The following KLHL29 variants were observed in gnomAD, a reference collection of about 807,000 sequenced individuals.
KLHL29 encodes the protein kelch like family member 29, also known as kelch-like protein 29.
Under a neutral mutation model 80.4 loss-of-function variants are expected in KLHL29, and 21 were observed. That is an observed-to-expected ratio of 0.26 (90% CI 0.19 to 0.38). The LOEUF (loss-of-function observed/expected upper bound fraction) is 0.38, where lower values mean the gene tolerates loss of function less well. Among genes scored for constraint, KLHL29 ranks in the 10% least tolerant of loss-of-function variants. The pLI is 1.00. For missense variants in KLHL29, 867 were observed against 1,223.9 expected (o/e 0.71, Z 4.35); for synonymous variants, 511 against 526.8 (o/e 0.97, Z 0.41).
chr2:23,403,756 T>C (rs898910442), intron 1 of KLHL29, among the ~76,000 whole-genome samples: 1 of 151,456 alleles, frequency 6.6e-6, no homozygotes, highest in Non-Finnish European at 1.5e-5. Context: ...TGTGTGTGTG[T>C]GTGTGTGTGC....
chr2:23,611,859 C>A, intron 3 of KLHL29, among the ~76,000 whole-genome samples: 1 of 139,788 alleles, frequency 7.2e-6, no homozygotes. Context: ...ATTAAGAATT[C>A]AATGTCGAGT....
chr2:23,388,419 T>C (rs1666237349), intron 1 of KLHL29, among the ~76,000 whole-genome samples: 1 of 152,234 alleles, frequency 6.6e-6, no homozygotes, highest in African/African-American at 2.4e-5. Flanking sequence ...AACCTCTAAA[T>C]CCAGCCTGTT....
At chr2:23,582,725 G>A (rs942167558) in intron 3 of KLHL29, among the ~76,000 whole-genome samples, 11 of 152,142 alleles carry the variant, frequency 7.2e-5, no homozygotes, top group African/African-American at 2.7e-4. Flanking sequence ...GGTAAGGTGG[G>A]CCACTTCCAA....
intron 3 of KLHL29, among the ~76,000 whole-genome samples, chr2:23,582,052 G>T (rs1013159049): frequency 1.3e-5 from 2 of 152,034 alleles, no homozygotes; most frequent in Non-Finnish European, 1.5e-5. Context: ...CAGATACCAC[G>T]CCAGGGTCTA....
intron 1 of KLHL29, among the ~76,000 whole-genome samples, chr2:23,426,462 C>T (rs1475640058): frequency 6.6e-6 from 1 of 152,240 alleles, no homozygotes; most frequent in Non-Finnish European, 1.5e-5. Flanking sequence ...AGCTTTTCCC[C>T]TCCAGTTCTG....
chr2:23,446,084 A>AT (rs1663667044), intron 1 of KLHL29, among the ~76,000 whole-genome samples: 1 of 151,844 alleles, frequency 6.6e-6, no homozygotes, highest in African/African-American at 2.4e-5. Flanking sequence ...TCAGTCTTGT[A>AT]TTTCAAATCG....
chr2:23,689,377 T>G (rs531823438), intron 6 of KLHL29: 1 of 152,546 alleles, frequency 6.6e-6, no homozygotes, highest in Non-Finnish European at 1.5e-5. Context: ...TGGCTCAGAC[T>G]GTGGGCAAGA....
chr2:23,405,294 T>G (rs1365766456), intron 1 of KLHL29, among the ~76,000 whole-genome samples: 2 of 152,168 alleles, frequency 1.3e-5, no homozygotes, highest in Admixed American at 6.5e-5. Flanking sequence ...TTACGGACCA[T>G]GAAACATGAT....
chr2:23,465,494 C>G (rs1664324199), intron 1 of KLHL29, among the ~76,000 whole-genome samples: 1 of 152,184 alleles, frequency 6.6e-6, no homozygotes, highest in South Asian at 2.1e-4. Flanking sequence ...GGCTTCCTCG[C>G]CTCATCGTGA....
At chr2:23,673,400 A>G (rs550867284) in intron 5 of KLHL29, among the ~76,000 whole-genome samples, 1 of 151,206 alleles carries the variant, frequency 6.6e-6, no homozygotes, top group African/African-American at 2.4e-5. Context: ...ACGTGCTTGC[A>G]TGTACATACA....
chr2:23,706,284 G>A (rs1003630147), intron 13 of KLHL29, among the ~76,000 whole-genome samples, 197 bp from the exon 14 acceptor site: 2 of 152,182 alleles, frequency 1.3e-5, no homozygotes, highest in African/African-American at 2.4e-5. Flanking sequence ...GGCATAGCAC[G>A]GCTTCCTGAC....
intron 3 of KLHL29, among the ~76,000 whole-genome samples, chr2:23,603,527 G>A (rs1353944362): frequency 1.3e-5 from 2 of 152,180 alleles, no homozygotes; most frequent in African/African-American, 4.8e-5. Context: ...TTCCAGGTGG[G>A]GTCTGAGGCC....
Position 23,583,308 on chromosome 2 carries a change from G to A in KLHL29, c.285+20827G>A, listed in dbSNP as rs542652156. On this transcript the variant is annotated intron_variant, in intron 3 of 13. Coordinates refer to ENST00000486442, the MANE Select transcript of KLHL29 (RefSeq NM_052920.2). ...ATCTCCTTCAAGAAGGTCCATCCGCGTGGGACTGGATTTTTGCAAAACATG... is the reference window on the plus strand; with the variant it reads ...ATCTCCTTCAAGAAGGTCCATCCGCATGGGACTGGATTTTTGCAAAACATG... Among the ~76,000 whole-genome samples the A allele has an allele frequency of 2.6e-5, 4 of 152,332 alleles. No individual in the cohort carries two copies. The East Asian group carries it at 7.7e-4, about 29-fold the overall frequency.
chr2:23,386,955 C>T (rs1439838980), intron 1 of KLHL29, among the ~76,000 whole-genome samples: 1 of 152,122 alleles, frequency 6.6e-6, no homozygotes, highest in Non-Finnish European at 1.5e-5. Flanking sequence ...AGTTGTCGTC[C>T]CTGGGCTGTG....
intron 5 of KLHL29, among the ~76,000 whole-genome samples, chr2:23,646,335 C>A (rs899760629): frequency 1.3e-5 from 2 of 152,224 alleles, no homozygotes; most frequent in Non-Finnish European, 2.9e-5. Context: ...ATTTCTACCC[C>A]TGCCTTCTTT....
chr2:23,528,884 G>T (rs1572380607), intron 2 of KLHL29, among the ~76,000 whole-genome samples: 1 of 152,232 alleles, frequency 6.6e-6, no homozygotes, highest in Admixed American at 6.5e-5. Context: ...CGTGTGTGTG[G>T]TGTGGAAGGC....
In KLHL29 at chr2:23,562,800, G is replaced by T. The variant is rs909577397; in HGVS notation, c.285+319G>T. 2.0e-5 allele frequency among the ~76,000 whole-genome samples: 3 copies of T among 152,194 alleles called. No individual in the cohort carries two copies. The highest frequency in any genetic ancestry group is 7.2e-5 in the African/African-American group (3 of 41,448). ...TGGACCTCCAAGATGGCAATATGGGGTTCCTAAATAGATAAATTGAGACCA... is the reference window on the plus strand; with the variant it reads ...TGGACCTCCAAGATGGCAATATGGGTTTCCTAAATAGATAAATTGAGACCA... On this transcript the variant is annotated intron_variant, in intron 3 of 13. Coordinates refer to ENST00000486442, the MANE Select transcript of KLHL29 (RefSeq NM_052920.2). The surrounding 1 kb of genome is among the most constrained non-coding windows in gnomAD (Gnocchi z 4.5).
intron 5 of KLHL29, among the ~76,000 whole-genome samples, chr2:23,661,585 C>T (rs963520864): frequency 6.6e-6 from 1 of 152,224 alleles, no homozygotes. Flanking sequence ...AGTATGTAAT[C>T]CTGCTCCTGG....
At chr2:23,628,564 A>T (rs1287352666) in intron 3 of KLHL29, among the ~76,000 whole-genome samples, 1 of 152,170 alleles carries the variant, frequency 6.6e-6, no homozygotes, top group Admixed American at 6.5e-5. Flanking sequence ...AGGTAGGAGG[A>T]TCGCTTGAGC....
Sources: allele counts gnomAD v4.1 joint callset (sites outside exome capture counted in the v4.1 genomes callset), GRCh38; gene constraint gnomAD v4.1.1; non-coding constraint Gnocchi (gnomAD v3.1); transcripts MANE v1.5; gene names NCBI Gene and HGNC (gene_info 2026-07-23, HGNC 2026-07-21).